Variants in ROS1 observed in about 807,000 individuals in gnomAD.
ROS1 encodes the protein ROS proto-oncogene 1, receptor tyrosine kinase.
ROS1 carries 263 observed loss-of-function variants against 273.5 expected under a neutral mutation model. The observed-to-expected ratio is 0.96, with a 90% confidence interval of 0.87 to 1.06. The LOEUF is 1.06. Ranked by LOEUF, ROS1 falls within the 50% of genes least tolerant of loss-of-function variation. The pLI is 0.00. For missense variants in ROS1, 2,833 were observed against 2,751.1 expected, an observed-to-expected ratio of 1.03 and a Z score of -0.67; for synonymous variants, 1,008 against 954.1, an observed-to-expected ratio of 1.06 and a Z score of -1.04.
chr6:117,419,464 G>C (rs915931872), intron 1 of ROS1, among the ~76,000 whole-genome samples: 1 of 152,064 alleles, frequency 6.6e-6, no homozygotes, highest in East Asian at 1.9e-4. Context: ...TTTAAACTCC[G>C]TTCCCTAACC....
intron 32 of ROS1, among the ~76,000 whole-genome samples, chr6:117,336,708 T>C (rs1282159557): frequency 6.6e-6 from 1 of 152,184 alleles, no homozygotes; most frequent in Non-Finnish European, 1.5e-5. Context: ...AATTTCTAGG[T>C]CAAATGGTAT....
Position 117,357,791 on chromosome 6 carries a change from T to A in ROS1, c.3839+13A>T, listed in dbSNP as rs767274829. 7 of 1,514,696 alleles carry A rather than the reference T, an allele frequency of 4.6e-6. No homozygotes were observed. The Admixed American group carries it at 1.2e-4, about 26-fold the overall frequency. 93.8% of individuals were successfully genotyped at this position (1,514,696 alleles called of 1,614,324 possible). ...TTTCATCACAATATAAAAAAATACTTGCATTTACATACCTTAAAAGAGGAT... is the reference window on the plus strand; with the variant it reads ...TTTCATCACAATATAAAAAAATACTAGCATTTACATACCTTAAAAGAGGAT... On this transcript the variant is annotated intron_variant, in intron 25 of 43. Coordinates refer to ENST00000368507, the MANE Select transcript of ROS1 (RefSeq NM_001378902.1).
intron 36 of ROS1, among the ~76,000 whole-genome samples, chr6:117,320,577 T>C (rs1257205498): frequency 6.6e-6 from 1 of 152,170 alleles, no homozygotes; most frequent in Non-Finnish European, 1.5e-5. Flanking sequence ...ATGCTTTCAA[T>C]TTTTAATAGA....
At chr6:117,340,882 A>C (rs892462830) in intron 31 of ROS1, among the ~76,000 whole-genome samples, 2 of 152,098 alleles carry the variant, frequency 1.3e-5, no homozygotes, top group Non-Finnish European at 2.9e-5. Flanking sequence ...AAACTAAGTA[A>C]AATATTATAA....
chr6:117,347,843 T>C (rs1179956495), intron 27 of ROS1, among the ~76,000 whole-genome samples: 1 of 152,096 alleles, frequency 6.6e-6, no homozygotes, highest in East Asian at 1.9e-4. Flanking sequence ...TTTTCCTCTT[T>C]AGTCTGTTGA....
intron 26 of ROS1, among the ~76,000 whole-genome samples, 169 bp downstream of exon 26, chr6:117,356,460 C>G (rs773615938): frequency 6.6e-6 from 1 of 152,176 alleles, no homozygotes; most frequent in Non-Finnish European, 1.5e-5. Context: ...TGCCTACATA[C>G]AATTTTCCTG....
At chr6:117,384,334 G>A (rs1169363704) in intron 16 of ROS1, among the ~76,000 whole-genome samples, 1 of 151,960 alleles carries the variant, frequency 6.6e-6, no homozygotes, top group Non-Finnish European at 1.5e-5. Context: ...GACAACTGAT[G>A]ATGGCTGTAC....
intron 17 of ROS1, among the ~76,000 whole-genome samples, chr6:117,382,392 C>T (rs9387470): frequency 0.051 from 7,718 of 152,056 alleles, 278 homozygotes; most frequent in East Asian, 0.12. Context: ...TATATACATA[C>T]ATTTTTAAAA....
At chr6:117,422,685 T>C (rs960665432) in intron 1 of ROS1, among the ~76,000 whole-genome samples, 1 of 152,178 alleles carries the variant, frequency 6.6e-6, no homozygotes, top group South Asian at 2.1e-4. Flanking sequence ...TTTCAGTTTA[T>C]TTCTTTGGAA....
At chr6:117,372,037 A>G (rs1268657807) in intron 18 of ROS1, among the ~76,000 whole-genome samples, 1 of 152,186 alleles carries the variant, frequency 6.6e-6, no homozygotes, top group Non-Finnish European at 1.5e-5. Context: ...TATAGCCCCC[A>G]AACTTCAGCA....
chr6:117,299,805 A>G (rs1002147514), intron 43 of ROS1, among the ~76,000 whole-genome samples: 1 of 152,254 alleles, frequency 6.6e-6, no homozygotes, highest in Non-Finnish European at 1.5e-5. Context: ...TTAGGCATAC[A>G]TAACAGTAAA....
At position 117,369,450 on chromosome 6, in the gene ROS1, T is replaced by C. The variant is rs186757243; in HGVS notation, c.2583-3160A>G. The stretch of plus-strand genomic sequence containing the variant: ...TTAGCCGGGCGTGTTGGCGGGCGCC[T>C]GTAGTCCCAGCTACTCAGGAGGCTG... On this transcript the variant is annotated intron_variant, in intron 18 of 43. Transcript: ENST00000368507. Among the ~76,000 whole-genome samples, 621 of 152,126 alleles carry C rather than the reference T, an allele frequency of 4.1e-3. 5 individuals are homozygous for C. Among genetic ancestry groups the C allele is most frequent in the African/African-American group, 0.014 (571 of 41,480 alleles).
chr6:117,306,604 G>A (rs1775122676), intron 42 of ROS1, among the ~76,000 whole-genome samples: 1 of 152,086 alleles, frequency 6.6e-6, no homozygotes, highest in Non-Finnish European at 1.5e-5. Context: ...GCTATCTATG[G>A]GCTCACCTGA....
intron 18 of ROS1, among the ~76,000 whole-genome samples, chr6:117,368,608 C>T (rs2043730371): frequency 1.3e-5 from 2 of 151,988 alleles, no homozygotes; most frequent in South Asian, 4.1e-4. Flanking sequence ...GACCGAGGAA[C>T]CAAAAGTTTA....
intron 38 of ROS1, 25 bp from the exon 39 acceptor site, chr6:117,317,297 G>A (rs2128555879): frequency 6.2e-7 from 1 of 1,602,982 alleles, no homozygotes; most frequent in Non-Finnish European, 8.5e-7. Flanking sequence ...GACACAGGCT[G>A]GATGATATGA....
At chr6:117,304,210 C>T (rs1036128983) in intron 42 of ROS1, among the ~76,000 whole-genome samples, 1 of 152,096 alleles carries the variant, frequency 6.6e-6, no homozygotes, top group Non-Finnish European at 1.5e-5. Context: ...TAACCTGTGC[C>T]ATTTAGAAAT....
At chr6:117,316,817 CAGACAGGCATAT>C (rs1775953787) in intron 39 of ROS1, among the ~76,000 whole-genome samples, 1 of 152,100 alleles carries the variant, frequency 6.6e-6, no homozygotes, top group South Asian at 2.1e-4. Flanking sequence ...TAATTTGGGA[CAGACAGGCATAT>C]AGATTAAGTA....
chr6:117,299,834 T>C (rs1341998076), intron 43 of ROS1, among the ~76,000 whole-genome samples: 2 of 152,170 alleles, frequency 1.3e-5, no homozygotes, highest in South Asian at 4.1e-4. Flanking sequence ...TAGAAATGAA[T>C]TAAGTGACTA....
intron 1 of ROS1, among the ~76,000 whole-genome samples, chr6:117,422,958 T>C (rs931297550): frequency 1.3e-5 from 2 of 152,148 alleles, no homozygotes; most frequent in African/African-American, 4.8e-5. Context: ...ATGAAATTTA[T>C]TGAATGGAAT....
Sources: allele counts gnomAD v4.1 joint callset (sites outside exome capture counted in the v4.1 genomes callset), GRCh38; gene constraint gnomAD v4.1.1; transcripts MANE v1.5; gene names NCBI Gene and HGNC (gene_info 2026-07-23, HGNC 2026-07-21).